CHN1: variants seen among roughly 807,000 people sequenced by gnomAD.
The protein encoded by CHN1 is N-chimaerin.
Under a neutral mutation model 59.5 loss-of-function variants are expected in CHN1, and 37 were observed. The ratio of observed to expected loss-of-function variants is 0.62; its 90% CI spans 0.48 to 0.82. The LOEUF (loss-of-function observed/expected upper bound fraction) is 0.82, where lower values mean the gene tolerates loss of function less well. Among genes scored for constraint, CHN1 ranks in the 40% least tolerant of loss-of-function variants. CHN1 has a pLI of 0.00. For missense variants in CHN1, 469 were observed against 571.0 expected (o/e 0.82, Z 1.82); for synonymous variants, 206 against 200.4 (o/e 1.03, Z -0.24).
chr2:174,953,852 A>T (rs1690105125), intron 1 of CHN1, among the ~76,000 whole-genome samples: 1 of 152,212 alleles, frequency 6.6e-6, no homozygotes, highest in South Asian at 2.1e-4. Context: ...AATATTGTGA[A>T]AATGACCATA....
intron 1 of CHN1, among the ~76,000 whole-genome samples, chr2:174,985,518 C>T (rs1398081104): frequency 6.6e-6 from 1 of 152,056 alleles, no homozygotes; most frequent in East Asian, 1.9e-4. Context: ...ATTACTAATA[C>T]CCATTGTTCT....
intron 5 of CHN1, among the ~76,000 whole-genome samples, chr2:174,913,793 G>A (rs1417735162): frequency 6.6e-6 from 1 of 152,190 alleles, no homozygotes; most frequent in Non-Finnish European, 1.5e-5. Flanking sequence ...ACAGGTATAA[G>A]TGATTGGAGA....
intron 4 of CHN1, among the ~76,000 whole-genome samples, chr2:174,915,985 G>C (rs1688837303): frequency 6.6e-6 from 1 of 152,162 alleles, no homozygotes; most frequent in South Asian, 2.1e-4. Context: ...ATGCCACTTT[G>C]CTGTATCGAG....
intron 6 of CHN1, among the ~76,000 whole-genome samples, chr2:174,850,226 T>A (rs1686684545): frequency 6.6e-6 from 1 of 152,222 alleles, no homozygotes; most frequent in Non-Finnish European, 1.5e-5. Context: ...ATCAGTTATC[T>A]GTGTAGCTGT....
rs778517881 is a variant in CHN1 at position 174,800,195 on chromosome 2, G to A, written c.1301C>T (p.Ala434Val). 224 of 1,528,134 alleles carry A rather than the reference G, an allele frequency of 1.5e-4. 1 individual carries two copies. The highest frequency in any genetic ancestry group is 1.9e-4 in the Non-Finnish European group (214 of 1,142,694). The allele number at this position is 1,528,134 out of a possible 1,614,324, so 94.7% of individuals were successfully genotyped here. The change falls in exon 13 of 13, where the codon GCC (alanine) becomes GTC (valine). Residue 434 changes from alanine (A) to valine (V), a missense_variant. This residue lies in a region of CHN1 where 225 missense variants were observed against 289.9 expected (regional missense o/e 0.78). Transcript: ENST00000409900. ...PTLMRSPELD[A>V]MAALNDIRYQ... is the part of the protein sequence containing the mutation. ...CCGTATATCATTCAATGCAGCCATG[G>A]CGTCTAGTTCTGGAGATCTCATAAG...
Position 174,800,266 on chromosome 2 carries a change from C to A in CHN1, c.1230G>T (p.Glu410Asp). The A allele has an allele frequency of 1.4e-6, 2 of 1,437,410 alleles. No individual in the cohort carries two copies. The highest frequency in any genetic ancestry group is 1.8e-6 in the Non-Finnish European group (2 of 1,093,638). The allele number at this position is 1,437,410 out of a possible 1,614,324, so 89.0% of individuals were successfully genotyped here. ...CAAGGTTCTCTGCATTCATAAGATT[C>A]TCCTTTTCGTGGAGGGTCACTCTGA... ...HLKRVTLHEK[E>D]NLMNAENLGI... The change falls in exon 13 of 13, where the codon GAG (glutamate) becomes GAT (aspartate). Residue 410 changes from glutamate to aspartate, a missense_variant. Physicochemically the swap from Glu to Asp is conservative, Grantham distance 45 (BLOSUM62 2). Coordinates refer to ENST00000409900, the MANE Select transcript of CHN1 (RefSeq NM_001822.7).
At chr2:174,874,227 G>C (rs371127628) in intron 6 of CHN1, among the ~76,000 whole-genome samples, 7 of 152,178 alleles carry the variant, frequency 4.6e-5, no homozygotes, top group African/African-American at 1.4e-4. Flanking sequence ...TCACTACTTG[G>C]AATACCAAAC....
intron 1 of CHN1, among the ~76,000 whole-genome samples, chr2:174,959,232 CTATT>C (rs1460642708): frequency 6.6e-6 from 1 of 152,160 alleles, no homozygotes; most frequent in African/African-American, 2.4e-5. Context: ...TAACAGGTAT[CTATT>C]AAGGCAGAGA....
intron 5 of CHN1, 83 bp downstream of exon 5, chr2:174,914,975 T>C (rs528528112): frequency 5.7e-6 from 4 of 705,114 alleles, no homozygotes; most frequent in Non-Finnish European, 9.1e-6. Flanking sequence ...TTCAATTACA[T>C]GCTGAATGCT....
intron 3 of CHN1, among the ~76,000 whole-genome samples, chr2:174,926,894 A>AG (rs1689179905): frequency 1.3e-5 from 2 of 151,822 alleles, no homozygotes; most frequent in Admixed American, 1.3e-4. Context: ...AGTAGCTGGG[A>AG]CTAAAGGCGC....
At chr2:174,923,497 T>G (rs1463724217) in intron 3 of CHN1, among the ~76,000 whole-genome samples, 7 of 152,186 alleles carry the variant, frequency 4.6e-5, no homozygotes, top group Admixed American at 4.6e-4. Flanking sequence ...TGAGACACAT[T>G]AGAATGGGGT....
chr2:174,992,489 C>T (rs550870850), intron 1 of CHN1, among the ~76,000 whole-genome samples: 13 of 152,066 alleles, frequency 8.5e-5, no homozygotes, highest in Non-Finnish European at 1.3e-4. Flanking sequence ...TCTCAAAAGA[C>T]GAGAGAAAAA....
intron 5 of CHN1, among the ~76,000 whole-genome samples, chr2:174,906,190 C>T (rs1204292328): frequency 6.6e-6 from 1 of 152,138 alleles, no homozygotes; most frequent in Non-Finnish European, 1.5e-5. Flanking sequence ...ACATTATTTA[C>T]AGCAGTATTA....
chr2:174,910,498 C>A (rs1688663676), intron 5 of CHN1, among the ~76,000 whole-genome samples: 1 of 151,814 alleles, frequency 6.6e-6, no homozygotes, highest in Non-Finnish European at 1.5e-5. Flanking sequence ...TAATTTTAGG[C>A]TATAGTTCAC....
chr2:174,911,466 T>C (rs1688698958), intron 5 of CHN1, among the ~76,000 whole-genome samples: 1 of 152,226 alleles, frequency 6.6e-6, no homozygotes, highest in Admixed American at 6.5e-5. Context: ...TCTGTCTATA[T>C]GCTTCCCTTG....
At chr2:174,971,763 A>T (rs1374036241) in intron 1 of CHN1, among the ~76,000 whole-genome samples, 1 of 152,222 alleles carries the variant, frequency 6.6e-6, no homozygotes, top group African/African-American at 2.4e-5. Flanking sequence ...GTGCCTCCAG[A>T]TCTCATACTC....
At chr2:174,955,158 G>GATCTAATATAGA (rs1243794683) in intron 1 of CHN1, among the ~76,000 whole-genome samples, 1 of 117,826 alleles carries the variant, frequency 8.5e-6, no homozygotes, top group Non-Finnish European at 1.7e-5. Flanking sequence ...ATATATCTAT[G>GATCTAATATAGA]TCTATATATC....
Position 174,799,860 on chromosome 2 carries a change from G to C in CHN1, c.*256C>G, listed in dbSNP as rs771199357. On this transcript the variant is annotated 3_prime_UTR_variant, in exon 13 of 13. Transcript: ENST00000409900. ...CTGTATGGGGTTTCCTTGCCAGATA[G>C]GGGGCTAATCATGCAATAGCTTGAG... 7.4e-5 allele frequency: 44 copies of C among 592,262 alleles called. No individual in the cohort carries two copies. Among genetic ancestry groups the C allele is most frequent in the Non-Finnish European group, 1.1e-4 (36 of 315,882 alleles). 36.7% of individuals were successfully genotyped at this position (592,262 alleles called of 1,614,324 possible).
At chr2:174,905,625 C>G (rs1019048282) in intron 5 of CHN1, among the ~76,000 whole-genome samples, 1 of 151,550 alleles carries the variant, frequency 6.6e-6, no homozygotes, top group Non-Finnish European at 1.5e-5. Flanking sequence ...AGTGCAGTGG[C>G]GAAATCTAGG....
Sources: allele counts gnomAD v4.1 joint callset (sites outside exome capture counted in the v4.1 genomes callset), GRCh38; gene constraint gnomAD v4.1.1; regional missense constraint gnomAD v4.1.1; transcripts MANE v1.5; gene names NCBI Gene and HGNC (gene_info 2026-07-23, HGNC 2026-07-21).